The following VPS13B variants were observed in gnomAD, a reference collection of about 807,000 sequenced individuals.
VPS13B encodes intermembrane lipid transfer protein VPS13B.
VPS13B carries 285 observed loss-of-function variants against 426.4 expected under a neutral mutation model. That is an observed-to-expected ratio of 0.67 (90% CI 0.61 to 0.74). The LOEUF (loss-of-function observed/expected upper bound fraction) is 0.74, where lower values mean the gene tolerates loss of function less well. Among genes scored for constraint, VPS13B ranks in the 30% least tolerant of loss-of-function variants. VPS13B has a pLI of 0.00. For missense variants in VPS13B, 4,537 were observed against 4,782.6 expected (o/e 0.95, Z 1.51); for synonymous variants, 1,676 against 1,676.4 (o/e 1.00, Z 0.01).
intron 39 of VPS13B, among the ~76,000 whole-genome samples, chr8:99,746,405 G>T (rs1446931925): frequency 6.6e-6 from 1 of 151,978 alleles, no homozygotes; most frequent in South Asian, 2.1e-4. Flanking sequence ...ATCCATTGAT[G>T]TGTACTATGG....
intron 51 of VPS13B, among the ~76,000 whole-genome samples, chr8:99,831,068 G>GTTTTTTTTTT (rs920493972): frequency 1.0e-5 from 1 of 98,168 alleles, no homozygotes; most frequent in Non-Finnish European, 2.2e-5. Context: ...GGGAATTGGT[G>GTTTTTTTTTT]TTTTTTTCTT....
intron 35 of VPS13B, 111 bp downstream of exon 35, chr8:99,661,602 A>T: frequency 7.4e-7 from 1 of 1,351,246 alleles, no homozygotes; most frequent in South Asian, 1.3e-5. Flanking sequence ...TGAATAGTTC[A>T]TTTTTTCCCA....
intron 19 of VPS13B, among the ~76,000 whole-genome samples, chr8:99,377,299 G>A (rs1467878159): frequency 1.3e-5 from 2 of 151,390 alleles, no homozygotes; most frequent in African/African-American, 4.9e-5. Context: ...TATCTCTCTC[G>A]AGCCCAATAA....
At chr8:99,728,063 T>C (rs1833424906) in intron 39 of VPS13B, among the ~76,000 whole-genome samples, 1 of 152,204 alleles carries the variant, frequency 6.6e-6, no homozygotes, top group Non-Finnish European at 1.5e-5. Flanking sequence ...CCAACATCAG[T>C]ATCCAGACTG....
chr8:99,332,182 A>G (rs947743941), intron 19 of VPS13B, among the ~76,000 whole-genome samples: 1 of 151,716 alleles, frequency 6.6e-6, no homozygotes, highest in Admixed American at 6.6e-5. Context: ...ATATTAGGTG[A>G]ACTCAGTGTA....
intron 30 of VPS13B, among the ~76,000 whole-genome samples, chr8:99,523,778 C>T (rs1822502973): frequency 6.6e-6 from 1 of 152,060 alleles, no homozygotes; most frequent in Non-Finnish European, 1.5e-5. Flanking sequence ...TGGGTACAAA[C>T]AAGCCCAGAC....
chr8:99,454,330 T>G (rs1040704097), intron 23 of VPS13B, among the ~76,000 whole-genome samples: 1 of 152,052 alleles, frequency 6.6e-6, no homozygotes, highest in Non-Finnish European at 1.5e-5. Context: ...CCTGGCTAAA[T>G]TTTTTTGTTT....
intron 17 of VPS13B, among the ~76,000 whole-genome samples, chr8:99,198,212 C>T (rs1199529437): frequency 6.6e-6 from 1 of 152,078 alleles, no homozygotes; most frequent in Non-Finnish European, 1.5e-5. Flanking sequence ...TCTACAGTAA[C>T]ATCTTCCTTG....
intron 8 of VPS13B, 146 bp from the exon 9 acceptor site, chr8:99,134,486 G>GT (rs1301155679): frequency 1.6e-6 from 1 of 631,110 alleles, no homozygotes; most frequent in Non-Finnish European, 2.8e-6. Context: ...TGTTACAGCT[G>GT]TTTTTGTTGC....
chr8:99,100,835 G>A (rs1169546587), intron 4 of VPS13B, among the ~76,000 whole-genome samples: 1 of 151,966 alleles, frequency 6.6e-6, no homozygotes, highest in African/African-American at 2.4e-5. Flanking sequence ...GAGGTCAGGA[G>A]TTCGAGACCA....
At chr8:99,031,971 T>C (rs1049410275) in intron 2 of VPS13B, among the ~76,000 whole-genome samples, 2 of 152,240 alleles carry the variant, frequency 1.3e-5, no homozygotes, top group Non-Finnish European at 2.9e-5. Context: ...TTTGGAGCAA[T>C]CCAGCCTTAT....
intron 21 of VPS13B, among the ~76,000 whole-genome samples, chr8:99,421,798 C>T (rs1286429522): frequency 6.6e-6 from 1 of 152,060 alleles, no homozygotes; most frequent in Non-Finnish European, 1.5e-5. Flanking sequence ...CTGTCTCAGC[C>T]TCCCGAGCAA....
chr8:99,641,723 T>C, intron 33 of VPS13B, 88 bp from the exon 34 acceptor site: 1 of 1,323,170 alleles, frequency 7.6e-7, no homozygotes, highest in Non-Finnish European at 1.0e-6. Flanking sequence ...TTTAAAATTT[T>C]CTCTTTGACA....
intron 16 of VPS13B, among the ~76,000 whole-genome samples, chr8:99,178,579 T>G (rs559061982): frequency 1.3e-4 from 20 of 152,198 alleles, no homozygotes; most frequent in East Asian, 7.7e-4. Flanking sequence ...CCTAGAGAGA[T>G]AAAATCGCTT....
chr8:99,496,922 G>GT (rs1040804230), intron 25 of VPS13B, among the ~76,000 whole-genome samples: 1 of 150,946 alleles, frequency 6.6e-6, no homozygotes, highest in Non-Finnish European at 1.5e-5. Flanking sequence ...ATTATTTAGT[G>GT]TTTTTTTCAT....
intron 21 of VPS13B, among the ~76,000 whole-genome samples, chr8:99,427,939 A>G (rs138911624): frequency 0.02 from 3,099 of 152,206 alleles, 116 homozygotes; most frequent in African/African-American, 0.071. Flanking sequence ...CAAAACAGAG[A>G]TATAGAGCAA....
chr8:99,146,816 T>C (rs376797220), intron 13 of VPS13B, among the ~76,000 whole-genome samples: 4 of 152,160 alleles, frequency 2.6e-5, no homozygotes, highest in African/African-American at 9.7e-5. Context: ...CAAACAATCC[T>C]GCCTTGGCCT....
intron 42 of VPS13B, among the ~76,000 whole-genome samples, chr8:99,781,230 C>A (rs978386144): frequency 2.0e-5 from 3 of 152,142 alleles, no homozygotes; most frequent in Non-Finnish European, 2.9e-5. Context: ...TTTGTGAAAA[C>A]AGATTAAGGA....
intron 33 of VPS13B, among the ~76,000 whole-genome samples, chr8:99,624,717 T>G (rs951535310): frequency 1.3e-5 from 2 of 152,120 alleles, no homozygotes; most frequent in Admixed American, 6.5e-5. Flanking sequence ...CATACCAGGT[T>G]TTTCATTGTG....
Sources: allele counts gnomAD v4.1 joint callset (sites outside exome capture counted in the v4.1 genomes callset), GRCh38; gene constraint gnomAD v4.1.1; transcripts MANE v1.5; gene names NCBI Gene and HGNC (gene_info 2026-07-23, HGNC 2026-07-21).